GAS2L3: variants seen among roughly 807,000 people sequenced by gnomAD.
GAS2L3 encodes growth arrest specific 2 like 3, also known as GAS2-like protein 3.
A neutral mutation model predicts 37.0 loss-of-function variants in GAS2L3; 28 were observed. The observed-to-expected ratio is 0.76, with a 90% confidence interval of 0.56 to 1.04. The LOEUF is 1.04. Ranked by LOEUF, GAS2L3 falls within the 50% of genes least tolerant of loss-of-function variation. The probability of loss-of-function intolerance (pLI) is 0.00; values close to 1 mark genes in which losing one functional copy is unlikely to be tolerated. For missense variants in GAS2L3, 793 were observed against 817.6 expected, an observed-to-expected ratio of 0.97 and a Z score of 0.37; for synonymous variants, 290 against 296.6, an observed-to-expected ratio of 0.98 and a Z score of 0.23.
rs1214404749 is a variant in GAS2L3 at position 100,627,182 on chromosome 12, C to T, written c.*2292C>T. Among the ~76,000 whole-genome samples the T allele has an allele frequency of 1.3e-5, 2 of 151,884 alleles. No homozygotes were observed. The highest frequency in any genetic ancestry group is 6.6e-5 in the Admixed American group (1 of 15,246). ...ACTATTTTTCAGCAGTAGGGAATTT[C>T]TCCAATTACATTCATGTTGAATGAA... On this transcript the variant is annotated 3_prime_UTR_variant, in exon 10 of 10. Transcript: ENST00000547754.
At chr12:100,603,403 C>A (rs1956017099) in intron 5 of GAS2L3, among the ~76,000 whole-genome samples, 1 of 152,070 alleles carries the variant, frequency 6.6e-6, no homozygotes, top group Non-Finnish European at 1.5e-5. Context: ...ATGTTGAGCA[C>A]CTTTTCATAT....
intron 8 of GAS2L3, among the ~76,000 whole-genome samples, chr12:100,620,856 C>T (rs113958528): frequency 0.016 from 2,408 of 152,112 alleles, 65 homozygotes; most frequent in African/African-American, 0.055. Context: ...ACTGTAAGCC[C>T]TTTCCCAGAG....
chr12:100,619,063 A>C lies in GAS2L3; in HGVS notation c.648+476A>C, dbSNP rs1009127892. ...GACATATTTAGGAAGAATTGTTAGG[A>C]GAATTGACAGGAATTAGTGAGTGTT... On this transcript the variant is annotated intron_variant, in intron 8 of 9. Coordinates refer to ENST00000547754, the MANE Select transcript of GAS2L3 (RefSeq NM_174942.3). Among the ~76,000 whole-genome samples, 35 of 152,202 alleles carry C rather than the reference A, an allele frequency of 2.3e-4. 1 individual carries two copies. Among genetic ancestry groups the C allele is most frequent in the African/African-American group, 8.4e-4 (35 of 41,532 alleles).
chr12:100,597,696 T>C (rs1012345491), intron 3 of GAS2L3, among the ~76,000 whole-genome samples: 6 of 152,008 alleles, frequency 3.9e-5, no homozygotes, highest in Non-Finnish European at 7.4e-5. Context: ...ATTTTCTTTG[T>C]TTGCCTTGGG....
chr12:100,613,879 C>A (rs1956156579), intron 6 of GAS2L3, among the ~76,000 whole-genome samples: 1 of 152,098 alleles, frequency 6.6e-6, no homozygotes, highest in Non-Finnish European at 1.5e-5. Flanking sequence ...CAGGCATGAG[C>A]CACCACGCCA....
intron 2 of GAS2L3, among the ~76,000 whole-genome samples, chr12:100,594,588 T>G (rs1955887108): frequency 6.6e-6 from 1 of 151,974 alleles, no homozygotes; most frequent in Admixed American, 6.6e-5. Context: ...TTTGTTGATT[T>G]TTTTTCAAAA....
chr12:100,591,430 T>A (rs190830597), intron 1 of GAS2L3, among the ~76,000 whole-genome samples: 1 of 152,344 alleles, frequency 6.6e-6, no homozygotes, highest in East Asian at 1.9e-4. Context: ...AATTTTTATC[T>A]GAGTGTCCTG....
intron 6 of GAS2L3, among the ~76,000 whole-genome samples, chr12:100,613,618 G>A (rs1956152687): frequency 1.4e-5 from 2 of 146,770 alleles, no homozygotes; most frequent in South Asian, 2.2e-4. Flanking sequence ...TTTTTGAGAT[G>A]GAGTCTCGCT....
chr12:100,617,954 T>G, intron 7 of GAS2L3, 147 bp downstream of exon 7: 1 of 604,170 alleles, frequency 1.7e-6, no homozygotes, highest in Non-Finnish European at 2.9e-6. Context: ...TTTATCAACT[T>G]CATTCTGTTT....
chr12:100,586,968 A>G (rs1955789111), intron 1 of GAS2L3, among the ~76,000 whole-genome samples: 1 of 152,188 alleles, frequency 6.6e-6, no homozygotes, highest in Non-Finnish European at 1.5e-5. Flanking sequence ...ATAAACTAGA[A>G]AATCTAGAAG....
rs188265844 is a variant in GAS2L3 at position 100,604,362 on chromosome 12, A to G, written c.303+2609A>G. ...TTAATTTTATTTGTGACTGCTGTAA[A>G]TGGGATTACTTTTTATTTCCTTCTC... On this transcript the variant is annotated intron_variant, in intron 5 of 9. Coordinates refer to ENST00000547754, the MANE Select transcript of GAS2L3 (RefSeq NM_174942.3). 3.6e-3 allele frequency among the ~76,000 whole-genome samples: 544 copies of G among 151,816 alleles called. 2 individuals carry two copies. Among genetic ancestry groups the G allele is most frequent in the African/African-American group, 0.012 (513 of 41,478 alleles).
chr12:100,618,582 G>A lies in GAS2L3; in HGVS notation c.643G>A (p.Glu215Lys), dbSNP rs1463144806. ...ATGCTGTCGGCATGAAGAGCTACAT[G>A]AAGCTGTAAGTAGTTGCCACACTTT... ...KSCCRHEELH[E>K]AVKHIAEDPP... The change falls in exon 8 of 10, where the codon GAA (glutamate) becomes AAA (lysine). Residue 215 changes from glutamate to lysine, a missense_variant. Transcript: ENST00000547754. 6.2e-7 allele frequency: 1 copy of A among 1,609,070 alleles called. No homozygotes were observed. The highest frequency in any genetic ancestry group is 2.2e-5 in the East Asian group (1 of 44,756).
chr12:100,578,664 T>C (rs1955668116), intron 1 of GAS2L3: 1 of 305,720 alleles, frequency 3.3e-6, no homozygotes, highest in South Asian at 7.6e-5. Context: ...CAGACACAGG[T>C]GGCCATGGAA....
chr12:100,586,449 A>G (rs186818796), intron 1 of GAS2L3, among the ~76,000 whole-genome samples: 2 of 152,228 alleles, frequency 1.3e-5, no homozygotes, highest in Non-Finnish European at 2.9e-5. Context: ...GTGCAAACAC[A>G]TGGAAACTCA....
At chr12:100,583,452 T>G (rs527420487) in intron 1 of GAS2L3, among the ~76,000 whole-genome samples, 3 of 152,388 alleles carry the variant, frequency 2.0e-5, no homozygotes, top group South Asian at 4.1e-4. Context: ...GCTGTTGTCC[T>G]GTTAACTTGG....
rs1287729316 is a variant in GAS2L3 at position 100,600,381 on chromosome 12, G to A, written c.19-1G>A. 2 of 1,559,076 alleles carry A rather than the reference G, an allele frequency of 1.3e-6. No homozygotes were observed. Among genetic ancestry groups the A allele is most frequent in the Admixed American group, 2.2e-5 (1 of 46,118 alleles). ...AGTTGATTGATTTTTTTTTTCTTTA[G>A]GTATGGTTTGGAGAAGATCTGCCTC... On this transcript the variant is annotated splice_acceptor_variant, in intron 3 of 9. Transcript: ENST00000547754. LOFTEE classifies it high-confidence loss of function.
intron 5 of GAS2L3, among the ~76,000 whole-genome samples, chr12:100,608,713 C>T (rs948115771): frequency 5.3e-5 from 8 of 151,962 alleles, no homozygotes; most frequent in Non-Finnish European, 8.8e-5. Context: ...TTAGTAGAGA[C>T]GGGGTTTCAC....
At chr12:100,600,618 C>T in intron 4 of GAS2L3, 68 bp downstream of exon 4, 1 of 1,247,588 alleles carries the variant, frequency 8.0e-7, no homozygotes, top group East Asian at 2.3e-5. Context: ...GAGCCTTACT[C>T]TTTGTCAAGG....
At position 100,612,112 on chromosome 12, in the gene GAS2L3, A is replaced by C. The variant is rs1456395612; in HGVS notation, c.416A>C (p.Glu139Ala). 2 of 1,613,392 alleles carry C rather than the reference A, an allele frequency of 1.2e-6. No homozygotes were observed. The highest frequency in any genetic ancestry group is 4.5e-5 in the East Asian group (2 of 44,848). Reference protein sequence around the residue: ...LHWCRDIGVDETYLFESEGLV... With the variant: ...LHWCRDIGVDATYLFESEGLV... ...TGGTGTAGGGACATTGGGGTTGATG[A>C]AACTTACCTCTTTGAATCTGAAGGT... The change falls in exon 6 of 10, where the codon GAA (glutamate) becomes GCA (alanine). Residue 139 changes from glutamate (E) to alanine (A), a missense_variant. Coordinates refer to ENST00000547754, the MANE Select transcript of GAS2L3 (RefSeq NM_174942.3).
Sources: allele counts gnomAD v4.1 joint callset (sites outside exome capture counted in the v4.1 genomes callset), GRCh38; gene constraint gnomAD v4.1.1; transcripts MANE v1.5; gene names NCBI Gene and HGNC (gene_info 2026-07-23, HGNC 2026-07-21).